Variants in VDAC1 observed in about 807,000 individuals in gnomAD.
VDAC1 encodes non-selective voltage-gated ion channel VDAC1.
Under a neutral mutation model 34.7 loss-of-function variants are expected in VDAC1, and 10 were observed. The observed-to-expected ratio is 0.29, with a 90% CI of 0.18 to 0.49. The LOEUF is 0.49. Among genes scored for constraint, VDAC1 ranks in the 20% least tolerant of loss-of-function variants. The probability of loss-of-function intolerance (pLI) is 0.99; values close to 1 mark genes in which losing one functional copy is unlikely to be tolerated. For synonymous variants in VDAC1, 130 were observed against 136.0 expected (o/e 0.96, Z 0.30); for missense variants, 230 against 347.9 (o/e 0.66, Z 2.69).
chr5:134,017,715 C>G, the VDAC1 span, among the ~76,000 whole-genome samples: 3 of 151,994 alleles, frequency 2.0e-5, no homozygotes, highest in Admixed American at 6.6e-5. Context: ...AGATCAAGAC[C>G]ATCCTGGCTA....
At chr5:133,984,739 C>A (rs1752844197) in intron 5 of VDAC1, among the ~76,000 whole-genome samples, 1 of 152,088 alleles carries the variant, frequency 6.6e-6, no homozygotes, top group African/African-American at 2.4e-5. Flanking sequence ...AGTTCAAGAC[C>A]AGCCTGGCCA....
At chr5:134,064,773 A>G in the VDAC1 span, among the ~76,000 whole-genome samples, 1 of 150,984 alleles carries the variant, frequency 6.6e-6, no homozygotes, top group East Asian at 1.9e-4. Flanking sequence ...GCTAGAGTAC[A>G]ATGGTGTGAT....
chr5:134,109,641 G>C, the VDAC1 span, among the ~76,000 whole-genome samples: 278 of 152,164 alleles, frequency 1.8e-3, no homozygotes, highest in African/African-American at 6.3e-3. Flanking sequence ...GTGGTGGCAG[G>C]TGCCTGTAAT....
upstream of VDAC1, chr5:134,005,073 C>G (rs1331412530): frequency 6.6e-6 from 1 of 152,290 alleles, no homozygotes; most frequent in East Asian, 1.9e-4. Context: ...TGGCAGCGCT[C>G]GGGAAGGGGG....
At chr5:134,054,691 C>T in the VDAC1 span, among the ~76,000 whole-genome samples, 2 of 152,098 alleles carry the variant, frequency 1.3e-5, no homozygotes, top group Non-Finnish European at 2.9e-5. Flanking sequence ...GAACTCCTGA[C>T]CTCAGGTGAT....
At chr5:133,983,674 G>A (rs1752787314) in intron 5 of VDAC1, among the ~76,000 whole-genome samples, 1 of 152,172 alleles carries the variant, frequency 6.6e-6, no homozygotes, top group African/African-American at 2.4e-5. Context: ...CATGGCAAGA[G>A]TGACACCGTC....
chr5:134,094,082 T>C, the VDAC1 span, among the ~76,000 whole-genome samples: 1 of 151,990 alleles, frequency 6.6e-6, no homozygotes, highest in South Asian at 2.1e-4. Context: ...AGCGGTGAAG[T>C]GGGGGGCGGT....
rs200076362 is a variant in VDAC1, at chr5:133,992,370, A to C, written c.68-15T>G. 1.3e-4 allele frequency: 197 copies of C among 1,561,008 alleles called. 1 individual carries two copies. The African/African-American group carries it at 1.5e-3, about 12-fold the overall frequency. Reference sequence around the variant, plus strand: ...TAAGCCAAATCCTAAAGAAAGAAGAAGACAACTGTCAATAGGTTAAATAAC... The same window carrying C: ...TAAGCCAAATCCTAAAGAAAGAAGACGACAACTGTCAATAGGTTAAATAAC... On this transcript the variant is annotated splice_polypyrimidine_tract_variant and intron_variant, in intron 2 of 8. Coordinates refer to ENST00000265333, the MANE Select transcript of VDAC1 (RefSeq NM_003374.3).
At chr5:134,074,975 A>G in the VDAC1 span, among the ~76,000 whole-genome samples, 1 of 152,084 alleles carries the variant, frequency 6.6e-6, no homozygotes, top group South Asian at 2.1e-4. Flanking sequence ...CTCTCTACTC[A>G]TAACTTTGCT....
chr5:134,058,815 C>T, the VDAC1 span, among the ~76,000 whole-genome samples: 2 of 152,188 alleles, frequency 1.3e-5, no homozygotes, highest in African/African-American at 2.4e-5. Context: ...GACACAGCAA[C>T]GTGACCGGCA....
chr5:134,092,927 C>T, the VDAC1 span, among the ~76,000 whole-genome samples: 1 of 152,230 alleles, frequency 6.6e-6, no homozygotes, highest in South Asian at 2.1e-4. Flanking sequence ...GCTAGAATTT[C>T]CTTGTCTGGT....
chr5:134,023,237 A>G, the VDAC1 span, among the ~76,000 whole-genome samples: 1 of 152,028 alleles, frequency 6.6e-6, no homozygotes, highest in East Asian at 1.9e-4. Flanking sequence ...AGAAAACCAA[A>G]CACCGAATGT....
At chr5:134,088,053 G>A in the VDAC1 span, among the ~76,000 whole-genome samples, 1 of 151,728 alleles carries the variant, frequency 6.6e-6, no homozygotes, top group Non-Finnish European at 1.5e-5. Context: ...TACTCAGGAG[G>A]CTGAGGCAGG....
chr5:134,021,529 G>A, the VDAC1 span, among the ~76,000 whole-genome samples: 8 of 147,702 alleles, frequency 5.4e-5, no homozygotes, highest in East Asian at 1.2e-3. Context: ...ATTCTTTTTT[G>A]TGGCTGCATA....
the VDAC1 span, among the ~76,000 whole-genome samples, chr5:134,011,936 G>A: frequency 0.017 from 2,621 of 152,106 alleles, 72 homozygotes; most frequent in African/African-American, 0.061. Context: ...CACCATGCCC[G>A]GCCTACAGTT....
chr5:134,051,671 T>TG, the VDAC1 span, among the ~76,000 whole-genome samples: 4 of 151,436 alleles, frequency 2.6e-5, no homozygotes, highest in Non-Finnish European at 4.4e-5. Context: ...GCAGTTTGTT[T>TG]TTTTTTTTTT....
chr5:134,028,215 C>T, the VDAC1 span, among the ~76,000 whole-genome samples: 2 of 152,102 alleles, frequency 1.3e-5, no homozygotes, highest in African/African-American at 2.4e-5. Flanking sequence ...TCACTGCAAC[C>T]TCCACCTTCC....
chr5:134,106,648 C>A, the VDAC1 span, among the ~76,000 whole-genome samples: 2 of 152,134 alleles, frequency 1.3e-5, no homozygotes, highest in Non-Finnish European at 2.9e-5. Flanking sequence ...CCTCGTGATC[C>A]ACCCGCCTCA....
the VDAC1 span, among the ~76,000 whole-genome samples, chr5:134,110,326 G>C: frequency 6.6e-6 from 1 of 152,228 alleles, no homozygotes; most frequent in African/African-American, 2.4e-5. Context: ...AGAACCCACA[G>C]AAGAGTCCTT....
Sources: gnomAD v4.1 joint callset for allele counts (sites outside exome capture counted in the v4.1 genomes callset) on GRCh38, gnomAD v4.1.1 for gene constraint, MANE v1.5 for transcripts, NCBI Gene and HGNC (gene_info 2026-07-23, HGNC 2026-07-21) for gene names.